Variants in PPP3CA observed in about 807,000 individuals in gnomAD.
PPP3CA encodes the protein CAM-PRP catalytic subunit.
Under a neutral mutation model 66.5 loss-of-function variants are expected in PPP3CA, and 14 were observed. The ratio of observed to expected loss-of-function variants is 0.21; its 90% CI spans 0.14 to 0.33. The LOEUF (loss-of-function observed/expected upper bound fraction) is 0.33. PPP3CA is among the 10% of genes least tolerant of loss of function. The pLI, the probability that PPP3CA is intolerant of heterozygous loss-of-function variation, is 1.00. For missense variants in PPP3CA, 317 were observed against 639.5 expected, an observed-to-expected ratio of 0.50 and a Z score of 5.44; for synonymous variants, 232 against 226.2, an observed-to-expected ratio of 1.03 and a Z score of -0.23.
chr4:101,329,485 C>T (rs1245946737), intron 1 of PPP3CA, among the ~76,000 whole-genome samples: 1 of 152,120 alleles, frequency 6.6e-6, no homozygotes, highest in African/African-American at 2.4e-5. Context: ...ATCCAGGAGA[C>T]CTTGCTTAAG....
intron 1 of PPP3CA, among the ~76,000 whole-genome samples, chr4:101,256,527 A>G (rs1726847998): frequency 6.6e-6 from 1 of 152,042 alleles, no homozygotes; most frequent in Non-Finnish European, 1.5e-5. Flanking sequence ...TTTGGCTAGC[A>G]AGGCTGCCTG....
At chr4:101,172,741 A>G (rs1348390732) in intron 2 of PPP3CA, among the ~76,000 whole-genome samples, 1 of 152,136 alleles carries the variant, frequency 6.6e-6, no homozygotes, top group African/African-American at 2.4e-5. Context: ...GACAAATTCT[A>G]ACTTACAATG....
chr4:101,105,967 T>G (rs115257803), intron 3 of PPP3CA, among the ~76,000 whole-genome samples: 16 of 152,136 alleles, frequency 1.1e-4, no homozygotes, highest in Non-Finnish European at 8.8e-5. Flanking sequence ...CTACAAATGT[T>G]AAATGAATAA....
chr4:101,182,529 C>T (rs570236052), intron 2 of PPP3CA, among the ~76,000 whole-genome samples: 29 of 152,164 alleles, frequency 1.9e-4, no homozygotes, highest in African/African-American at 6.7e-4. Context: ...TCAAATTACT[C>T]GGATGTATCT....
At position 101,110,571 on chromosome 4, in the gene PPP3CA, T is replaced by G. The variant is rs145201068; in HGVS notation, c.260-1493A>C. ...GCATCCCTTTGGTAGACTCCAATCA[T>G]ATAGCTTCTTCCCTCTCTTGAGCAT... On this transcript the variant is annotated intron_variant, in intron 2 of 13. Transcript: ENST00000394854. Among the ~76,000 whole-genome samples the G allele has an allele frequency of 9.1e-4, 138 of 152,310 alleles. 2 individuals carry two copies. The East Asian group carries it at 0.025, about 28-fold the overall frequency.
chr4:101,251,072 T>A (rs1006565838), intron 1 of PPP3CA, among the ~76,000 whole-genome samples: 1 of 152,042 alleles, frequency 6.6e-6, no homozygotes, highest in Admixed American at 6.5e-5. Flanking sequence ...AAAATTTTCA[T>A]GTTACAAATC....
chr4:101,084,487 C>G (rs1560593432), intron 6 of PPP3CA, among the ~76,000 whole-genome samples: 1 of 151,724 alleles, frequency 6.6e-6, no homozygotes. Context: ...ACTAAAAATA[C>G]AAAAAACTAG....
chr4:101,307,646 G>C (rs1436162946), intron 1 of PPP3CA, among the ~76,000 whole-genome samples: 1 of 152,132 alleles, frequency 6.6e-6, no homozygotes, highest in Non-Finnish European at 1.5e-5. Context: ...CTAAAACATG[G>C]TCAAGTATAA....
intron 8 of PPP3CA, among the ~76,000 whole-genome samples, chr4:101,065,975 A>G (rs1456193794): frequency 1.3e-5 from 2 of 152,148 alleles, no homozygotes; most frequent in Non-Finnish European, 2.9e-5. Context: ...TTTACTGAGT[A>G]TCTGATATAT....
At chr4:101,175,219 G>GA (rs1170249565) in intron 2 of PPP3CA, among the ~76,000 whole-genome samples, 2 of 151,996 alleles carry the variant, frequency 1.3e-5, no homozygotes, top group African/African-American at 4.8e-5. Flanking sequence ...GCCTGTAAAA[G>GA]AAAAAACGTT....
At chr4:101,272,497 C>G (rs1425067688) in intron 1 of PPP3CA, among the ~76,000 whole-genome samples, 6 of 152,076 alleles carry the variant, frequency 3.9e-5, no homozygotes, top group Non-Finnish European at 8.8e-5. Flanking sequence ...GAAATTCATC[C>G]AAGAAAAGTA....
At chr4:101,118,956 ATTTTTTTT>A (rs201507463) in intron 2 of PPP3CA, among the ~76,000 whole-genome samples, 3 of 129,942 alleles carry the variant, frequency 2.3e-5, no homozygotes, top group Non-Finnish European at 3.2e-5. Flanking sequence ...GAACTTACAG[ATTTTTTTT>A]TTTTTTTTTT....
At chr4:101,233,406 C>T (rs1031673789) in intron 1 of PPP3CA, among the ~76,000 whole-genome samples, 5 of 151,808 alleles carry the variant, frequency 3.3e-5, no homozygotes, top group African/African-American at 7.2e-5. Context: ...ACTCTTTACA[C>T]AACAGTGAAA....
intron 1 of PPP3CA, among the ~76,000 whole-genome samples, chr4:101,278,423 C>A (rs1727579434): frequency 6.6e-6 from 1 of 152,160 alleles, no homozygotes; most frequent in South Asian, 2.1e-4. Flanking sequence ...CCTCATCACT[C>A]CCTCTACCAC....
At chr4:101,336,937 T>A (rs1397069564) in intron 1 of PPP3CA, among the ~76,000 whole-genome samples, 1 of 152,172 alleles carries the variant, frequency 6.6e-6, no homozygotes, top group African/African-American at 2.4e-5. Flanking sequence ...AATTCAGGCA[T>A]GAGCAAGTGT....
At chr4:101,231,055 C>T (rs1004791026) in intron 1 of PPP3CA, among the ~76,000 whole-genome samples, 4 of 151,680 alleles carry the variant, frequency 2.6e-5, no homozygotes, top group Non-Finnish European at 5.9e-5. Flanking sequence ...TCCAGATCCA[C>T]GATTTTCAAT....
intron 2 of PPP3CA, among the ~76,000 whole-genome samples, chr4:101,176,886 C>T (rs1334395811): frequency 6.6e-6 from 1 of 152,084 alleles, no homozygotes; most frequent in Non-Finnish European, 1.5e-5. Context: ...CTTAAAATTC[C>T]TAAATCCATT....
intron 2 of PPP3CA, among the ~76,000 whole-genome samples, chr4:101,155,944 T>C (rs1210760944): frequency 6.6e-6 from 1 of 152,158 alleles, no homozygotes; most frequent in Non-Finnish European, 1.5e-5. Flanking sequence ...TCATGTGCTG[T>C]GTATTGTTTT....
chr4:101,203,100 T>C (rs1725019522), intron 1 of PPP3CA, among the ~76,000 whole-genome samples: 1 of 152,200 alleles, frequency 6.6e-6, no homozygotes, highest in Non-Finnish European at 1.5e-5. Flanking sequence ...GCATTCTTCT[T>C]TTTTCTCAGG....
Sources: gnomAD v4.1 joint callset for allele counts (sites outside exome capture counted in the v4.1 genomes callset) on GRCh38, gnomAD v4.1.1 for gene constraint, MANE v1.5 for transcripts, NCBI Gene and HGNC (gene_info 2026-07-23, HGNC 2026-07-21) for gene names.